CSMD1: variants seen among roughly 807,000 people sequenced by gnomAD.
CSMD1 encodes the protein CUB and sushi domain-containing protein 1.
CSMD1 carries 213 observed loss-of-function variants against 417.5 expected under a neutral mutation model. The ratio of observed to expected loss-of-function variants is 0.51; its 90% CI spans 0.46 to 0.57. CSMD1 has a LOEUF of 0.57. Ranked by LOEUF, CSMD1 falls within the 20% of genes least tolerant of loss-of-function variation. The probability of loss-of-function intolerance (pLI) is 0.00; values close to 1 mark genes in which losing one functional copy is unlikely to be tolerated. For missense variants in CSMD1, 6,923 were observed against 4,529.7 expected, an observed-to-expected ratio of 1.53 and a Z score of -15.17; for synonymous variants, 2,862 against 1,736.8, an observed-to-expected ratio of 1.65 and a Z score of -16.11.
intron 23 of CSMD1, among the ~76,000 whole-genome samples, chr8:3,322,055 C>T (rs543745250): frequency 1.3e-5 from 2 of 152,188 alleles, no homozygotes; most frequent in African/African-American, 2.4e-5. Context: ...ACATAATAAA[C>T]ATTTCCATGG....
At position 3,979,289 on chromosome 8, in the gene CSMD1, G is replaced by A. The variant is rs529924129; in HGVS notation, c.818+18614C>T. On this transcript the variant is annotated intron_variant, in intron 5 of 69. Coordinates refer to ENST00000635120, the MANE Select transcript of CSMD1 (RefSeq NM_033225.6). ...AGCGGATTGCAATGTGCTCTAATTT[G>A]TTCTGGATGTAGTAACAGAGGTGTG... Among the ~76,000 whole-genome samples the A allele has an allele frequency of 4.6e-5, 7 of 152,300 alleles. No homozygotes were observed. In the East Asian group the frequency reaches 5.8e-4, roughly 13 times the overall value.
At chr8:3,388,367 T>A (rs1811140598) in intron 17 of CSMD1, among the ~76,000 whole-genome samples, 1 of 151,164 alleles carries the variant, frequency 6.6e-6, no homozygotes, top group Non-Finnish European at 1.5e-5. Flanking sequence ...TTTCTCTTTT[T>A]AGAAAAACAT....
In CSMD1 at chr8:2,973,168, G is replaced by A. The variant is rs773539685; in HGVS notation, c.8872C>T (p.Arg2958Cys). The A allele has an allele frequency of 1.9e-6, 3 of 1,613,730 alleles. No individual in the cohort carries two copies. The highest frequency in any genetic ancestry group is 2.5e-6 in the Non-Finnish European group (3 of 1,179,726). ...CATGACCCATTGAGCAAACACGTGC[G>A]TTCAGGGGAGCCCCTCAGCTGGTGC... ...MGHQLRGSPE[R>C]TCLLNGSWSG... Residue 2958 changes from arginine (R) to cysteine (C), a missense_variant, in exon 57 of 70, where the codon CGC (arginine) becomes TGC (cysteine). Coordinates refer to ENST00000635120, the MANE Select transcript of CSMD1 (RefSeq NM_033225.6).
At chr8:4,981,694 G>T (rs1310227053) in intron 1 of CSMD1, among the ~76,000 whole-genome samples, 3 of 152,082 alleles carry the variant, frequency 2.0e-5, no homozygotes, top group Non-Finnish European at 2.9e-5. Flanking sequence ...GACTCTTAGG[G>T]GGCCATGCGG....
intron 3 of CSMD1, among the ~76,000 whole-genome samples, chr8:4,371,622 C>G (rs571847674): frequency 1.3e-3 from 193 of 152,314 alleles, no homozygotes; most frequent in African/African-American, 4.5e-3. Context: ...ATTCATCTTA[C>G]TGCACAAATT....
chr8:3,554,350 C>A (rs766412177), intron 10 of CSMD1, among the ~76,000 whole-genome samples: 1 of 152,214 alleles, frequency 6.6e-6, no homozygotes, highest in South Asian at 2.1e-4. Flanking sequence ...AGAAGACCTG[C>A]TGGCTGGCGA....
At chr8:2,939,299 A>G (rs985483265) in intron 69 of CSMD1, among the ~76,000 whole-genome samples, 1 of 152,256 alleles carries the variant, frequency 6.6e-6, no homozygotes, top group Admixed American at 6.5e-5. Context: ...GTATGCTTAC[A>G]CTAAATTTCA....
At chr8:3,381,165 A>G (rs1810604357) in intron 18 of CSMD1, among the ~76,000 whole-genome samples, 1 of 152,286 alleles carries the variant, frequency 6.6e-6, no homozygotes, top group Non-Finnish European at 1.5e-5. Flanking sequence ...CCTTACATTC[A>G]GAGTACTACA....
At chr8:4,722,200 T>G (rs1370693360) in intron 1 of CSMD1, among the ~76,000 whole-genome samples, 1 of 152,116 alleles carries the variant, frequency 6.6e-6, no homozygotes, top group Non-Finnish European at 1.5e-5. Context: ...GGGAGGTGAT[T>G]AAATATATTA....
intron 1 of CSMD1, among the ~76,000 whole-genome samples, chr8:4,674,784 G>C (rs1182994554): frequency 6.6e-6 from 1 of 152,154 alleles, no homozygotes; most frequent in Non-Finnish European, 1.5e-5. Context: ...ATTGAATCGT[G>C]TCCCCCTCCA....
intron 2 of CSMD1, among the ~76,000 whole-genome samples, chr8:4,463,963 G>T (rs1799996509): frequency 1.3e-5 from 2 of 152,114 alleles, no homozygotes; most frequent in East Asian, 1.9e-4. Flanking sequence ...GCGCAATATG[G>T]GATATTGAAA....
chr8:3,243,188 T>C (rs929455443), intron 26 of CSMD1, among the ~76,000 whole-genome samples: 9 of 151,942 alleles, frequency 5.9e-5, no homozygotes, highest in Non-Finnish European at 1.2e-4. Context: ...TTAAAATTGG[T>C]GAGATGTTCC....
intron 3 of CSMD1, among the ~76,000 whole-genome samples, chr8:4,310,639 C>G (rs994209951): frequency 2.8e-4 from 42 of 152,080 alleles, no homozygotes; most frequent in Non-Finnish European, 5.6e-4. Context: ...ATGAGTCAGA[C>G]ACATTTGACC....
At chr8:4,377,197 G>A (rs893993635) in intron 3 of CSMD1, among the ~76,000 whole-genome samples, 2 of 152,132 alleles carry the variant, frequency 1.3e-5, no homozygotes, top group South Asian at 2.1e-4. Context: ...CACATCTTTT[G>A]GAAGGGCTGA....
At chr8:4,398,691 G>A (rs565210714) in intron 3 of CSMD1, among the ~76,000 whole-genome samples, 10 of 152,068 alleles carry the variant, frequency 6.6e-5, no homozygotes, top group East Asian at 1.9e-4. Flanking sequence ...CATCACACCC[G>A]GCCACTCTGC....
chr8:3,096,568 C>A (rs934314617), intron 47 of CSMD1, among the ~76,000 whole-genome samples: 5 of 152,150 alleles, frequency 3.3e-5, no homozygotes, highest in Non-Finnish European at 1.5e-5. Context: ...CCATCTGGAA[C>A]TGTAAATCCA....
chr8:3,026,511 T>A (rs968918097), intron 51 of CSMD1, among the ~76,000 whole-genome samples: 4 of 151,604 alleles, frequency 2.6e-5, no homozygotes, highest in Non-Finnish European at 5.9e-5. Flanking sequence ...TGGACCTCAC[T>A]GGACCTCACT....
At chr8:3,294,836 C>T (rs1366542878) in intron 25 of CSMD1, among the ~76,000 whole-genome samples, 5 of 152,088 alleles carry the variant, frequency 3.3e-5, no homozygotes, top group Admixed American at 3.3e-4. Flanking sequence ...TTGTCCTGCA[C>T]CCACTTTCCG....
At chr8:3,735,566 C>G (rs886871288) in intron 6 of CSMD1, among the ~76,000 whole-genome samples, 3 of 152,174 alleles carry the variant, frequency 2.0e-5, no homozygotes, top group African/African-American at 7.2e-5. Flanking sequence ...AAATATGAGT[C>G]AGCATGACTT....
Sources: gnomAD v4.1 joint callset for allele counts (sites outside exome capture counted in the v4.1 genomes callset) on GRCh38, gnomAD v4.1.1 for gene constraint, MANE v1.5 for transcripts, NCBI Gene and HGNC (gene_info 2026-07-23, HGNC 2026-07-21) for gene names.